TBC1D32: variants seen among roughly 807,000 people sequenced by gnomAD.
TBC1D32 encodes TBC1 domain family member 32.
A neutral mutation model predicts 170.3 loss-of-function variants in TBC1D32; 151 were observed. The observed-to-expected ratio is 0.89, with a 90% CI of 0.78 to 1.01. The LOEUF (loss-of-function observed/expected upper bound fraction) is 1.01, where lower values mean the gene tolerates loss of function less well. Among genes scored for constraint, TBC1D32 ranks in the 50% least tolerant of loss-of-function variants. TBC1D32 has a pLI of 0.00. For missense variants in TBC1D32, 1,464 were observed against 1,457.1 expected, an observed-to-expected ratio of 1.00 and a Z score of -0.08; for synonymous variants, 498 against 488.0, an observed-to-expected ratio of 1.02 and a Z score of -0.27.
intron 22 of TBC1D32, among the ~76,000 whole-genome samples, chr6:121,169,066 T>A (rs200631109): frequency 4.0e-5 from 1 of 25,262 alleles, no homozygotes. Flanking sequence ...AGAAAAAAAA[T>A]ATTTTAAAAT....
In TBC1D32 at chr6:121,111,569, C is replaced by T. The variant is rs111520113; in HGVS notation, c.3324+936G>A. On this transcript the variant is annotated intron_variant, in intron 29 of 31. Transcript: ENST00000398212. ...CTGATTGCAGAAAAACTAGTGCATG[C>T]TTTTTTTGCCATTAGTTTCTCTGTG... Among the ~76,000 whole-genome samples the T allele has an allele frequency of 9.2e-5, 14 of 152,060 alleles. No homozygotes were observed. The South Asian group carries it at 2.9e-3, about 32-fold the overall frequency.
intron 30 of TBC1D32, among the ~76,000 whole-genome samples, chr6:121,091,968 T>C (rs770729925): frequency 1.3e-5 from 2 of 152,232 alleles, no homozygotes; most frequent in South Asian, 2.1e-4. Context: ...GAGAACACCA[T>C]GTGAAGAAGC....
chr6:121,236,546 T>G (rs1796348053), intron 20 of TBC1D32, among the ~76,000 whole-genome samples: 2 of 152,130 alleles, frequency 1.3e-5, no homozygotes, highest in East Asian at 1.9e-4. Flanking sequence ...GAATAAGACT[T>G]AGAGACTAGA....
chr6:121,123,874 T>C (rs1182023644), intron 26 of TBC1D32, among the ~76,000 whole-genome samples: 1 of 151,918 alleles, frequency 6.6e-6, no homozygotes, highest in Non-Finnish European at 1.5e-5. Flanking sequence ...TATAGGTTTT[T>C]TTTTGTTTGT....
chr6:121,126,363 A>G lies in TBC1D32; in HGVS notation c.2983+15T>C. ...TACTGAGTCTTTTTCAAACTTCACAATGTTTAAAATGTACCTGTATACTCC... is the reference window on the plus strand; with the variant it reads ...TACTGAGTCTTTTTCAAACTTCACAGTGTTTAAAATGTACCTGTATACTCC... On this transcript the variant is annotated intron_variant, in intron 26 of 31. Coordinates refer to ENST00000398212, the MANE Select transcript of TBC1D32 (RefSeq NM_152730.6). 1 of 1,589,462 alleles carries G rather than the reference A, an allele frequency of 6.3e-7. No individual in the cohort carries two copies. Among genetic ancestry groups the G allele is most frequent in the Non-Finnish European group, 8.6e-7 (1 of 1,165,106 alleles).
intron 24 of TBC1D32, among the ~76,000 whole-genome samples, chr6:121,142,439 C>T (rs745812435): frequency 1.8e-4 from 27 of 152,050 alleles, no homozygotes; most frequent in Admixed American, 3.3e-4. Flanking sequence ...AATATACATC[C>T]AAAAGGTTTC....
At chr6:121,139,854 T>A (rs1229891670) in intron 24 of TBC1D32, 1 of 152,166 alleles carries the variant, frequency 6.6e-6, no homozygotes. Flanking sequence ...AGAAATGTTA[T>A]CTATCATTAG....
At chr6:121,130,156 A>G (rs1397226979) in intron 25 of TBC1D32, among the ~76,000 whole-genome samples, 1 of 152,134 alleles carries the variant, frequency 6.6e-6, no homozygotes, top group African/African-American at 2.4e-5. Flanking sequence ...AAAGGAACCA[A>G]AAACTTTTAG....
At chr6:121,254,383 T>C (rs760514536) in intron 17 of TBC1D32, among the ~76,000 whole-genome samples, 10 of 151,778 alleles carry the variant, frequency 6.6e-5, no homozygotes, top group Admixed American at 2.0e-4. Context: ...CCAAAAACTA[T>C]TGAAATAAAA....
In TBC1D32 at chr6:121,310,803, C is replaced by T. The variant is rs757064135; in HGVS notation, c.540G>A (p.Gln180=). ...CQGKLQLILD[Q]LDPGQPKEVR... ...CCTCTTTAGGTTGCCCAGGATCCAA[C>T]TGGTCTAAAATCAATTGTAATTTTC... The change falls in exon 4 of 32, where the codon CAG becomes CAA. Residue 180 remains glutamine, a synonymous_variant. Coordinates refer to ENST00000398212, the MANE Select transcript of TBC1D32 (RefSeq NM_152730.6). 9.5e-6 allele frequency: 15 copies of T among 1,573,994 alleles called. No individual in the cohort carries two copies. The highest frequency in any genetic ancestry group is 1.2e-5 in the Non-Finnish European group (14 of 1,155,440).
rs779832131 is a variant in TBC1D32 at position 121,126,401 on chromosome 6, T to C, written c.2960A>G (p.Tyr987Cys). 2.5e-6 allele frequency: 4 copies of C among 1,612,700 alleles called. No individual in the cohort carries two copies. The highest frequency in any genetic ancestry group is 1.7e-5 in the Admixed American group (1 of 59,868). ...ACCTGTATACTCCACTGAAGGGAAG[T>C]AGCATTCAGATGGGCTTTCAGTGAG... is the stretch of plus-strand genomic sequence containing the variant. ...LHLTESPSEC[Y>C]FPSVEYTATD... Residue 987 changes from tyrosine (Y) to cysteine (C), a missense_variant, in exon 26 of 32, where the codon TAC (tyrosine) becomes TGC (cysteine). By Grantham distance (194) the Tyr-to-Cys change is radical. Transcript: ENST00000398212.
chr6:121,254,409 GA>G (rs1798701488), intron 17 of TBC1D32, among the ~76,000 whole-genome samples: 1 of 151,758 alleles, frequency 6.6e-6, no homozygotes, highest in African/African-American at 2.4e-5. Flanking sequence ...AATCACTACT[GA>G]AATTAAAAAT....
At chr6:121,241,855 A>G (rs1425161031) in intron 18 of TBC1D32, among the ~76,000 whole-genome samples, 1 of 152,174 alleles carries the variant, frequency 6.6e-6, no homozygotes, top group Non-Finnish European at 1.5e-5. Flanking sequence ...GTGAGGCCTA[A>G]ATCTTCACTG....
chr6:121,269,471 G>A lies in TBC1D32; in HGVS notation c.1733+9650C>T, dbSNP rs377092067. ...AGCAGGGGTTGCAATCCTAGTCTCT[G>A]ATAAAACAGACTTTAAACCAACAAA... On this transcript the variant is annotated intron_variant, in intron 15 of 31. Coordinates refer to ENST00000398212, the MANE Select transcript of TBC1D32 (RefSeq NM_152730.6). Among the ~76,000 whole-genome samples, 132 of 151,828 alleles carry A rather than the reference G, an allele frequency of 8.7e-4. 1 individual carries two copies. Among genetic ancestry groups the A allele is most frequent in the African/African-American group, 2.9e-3 (118 of 41,200 alleles).
chr6:121,323,948 A>G (rs879556135), intron 1 of TBC1D32, among the ~76,000 whole-genome samples: 9 of 152,138 alleles, frequency 5.9e-5, no homozygotes, highest in Non-Finnish European at 8.8e-5. Flanking sequence ...CAAAAAGAAA[A>G]AGGTGATAAA....
chr6:121,200,472 A>T (rs772141009), intron 22 of TBC1D32, among the ~76,000 whole-genome samples: 1 of 151,562 alleles, frequency 6.6e-6, no homozygotes, highest in East Asian at 1.9e-4. Context: ...CCTACTAAAA[A>T]TGGTTAAGAA....
chr6:121,093,769 T>G (rs1276471542), intron 30 of TBC1D32, among the ~76,000 whole-genome samples: 1 of 152,162 alleles, frequency 6.6e-6, no homozygotes, highest in Non-Finnish European at 1.5e-5. Context: ...ATGGATATAA[T>G]ACCTATATTT....
intron 22 of TBC1D32, among the ~76,000 whole-genome samples, chr6:121,172,019 G>A (rs1787084158): frequency 6.6e-6 from 1 of 152,072 alleles, no homozygotes; most frequent in Non-Finnish European, 1.5e-5. Flanking sequence ...ATAAACTGAA[G>A]GGCAGCCAAA....
intron 12 of TBC1D32, 115 bp downstream of exon 12, chr6:121,291,938 A>C: frequency 9.1e-7 from 1 of 1,101,874 alleles, no homozygotes; most frequent in Non-Finnish European, 1.2e-6. Context: ...ATAGACTAAA[A>C]GGTATGTAGC....
Sources: gnomAD v4.1 joint callset for allele counts (sites outside exome capture counted in the v4.1 genomes callset) on GRCh38, gnomAD v4.1.1 for gene constraint, MANE v1.5 for transcripts, NCBI Gene and HGNC (gene_info 2026-07-23, HGNC 2026-07-21) for gene names.